Variants in HEATR4 observed in about 807,000 individuals in gnomAD.
HEATR4 encodes HEAT repeat containing 4.
Under a neutral mutation model 108.8 loss-of-function variants are expected in HEATR4, and 95 were observed. The observed-to-expected ratio is 0.87, with a 90% CI of 0.74 to 1.04. The LOEUF (loss-of-function observed/expected upper bound fraction) is 1.04, where lower values mean the gene tolerates loss of function less well. HEATR4 is among the 50% of genes least tolerant of loss of function. HEATR4 has a pLI of 0.00. For synonymous variants in HEATR4, 443 were observed against 459.4 expected, an observed-to-expected ratio of 0.96 and a Z score of 0.46; for missense variants, 1,152 against 1,253.8, an observed-to-expected ratio of 0.92 and a Z score of 1.23.
chr14:73,625,440 C>T, the HEATR4 span, among the ~76,000 whole-genome samples: 1 of 152,140 alleles, frequency 6.6e-6, no homozygotes, highest in East Asian at 1.9e-4. Context: ...CGACTCACAG[C>T]AACCTCCGCC....
chr14:73,591,898 C>T, the HEATR4 span: 8 of 1,320,160 alleles, frequency 6.1e-6, no homozygotes, highest in East Asian at 1.9e-4. Context: ...ATTCGGCGCG[C>T]TTGCCACGAT....
chr14:73,599,088 C>T, the HEATR4 span, among the ~76,000 whole-genome samples: 2 of 152,128 alleles, frequency 1.3e-5, no homozygotes, highest in Non-Finnish European at 1.5e-5. Flanking sequence ...TATAAGCCAA[C>T]CACAGGCACT....
the HEATR4 span, among the ~76,000 whole-genome samples, chr14:73,614,712 A>G: frequency 1.3e-5 from 2 of 148,594 alleles, no homozygotes; most frequent in African/African-American, 5.0e-5. Flanking sequence ...GCGCCACTAC[A>G]CTTCAGCCTG....
the HEATR4 span, among the ~76,000 whole-genome samples, chr14:73,628,346 G>C: frequency 0.02 from 3,065 of 152,008 alleles, 107 homozygotes; most frequent in African/African-American, 0.07. Context: ...ATCTTGCTAG[G>C]TTGGCCAGGT....
intron 2 of HEATR4, among the ~76,000 whole-genome samples, chr14:73,524,306 A>ATATATATATAT (rs1195056520): frequency 2.2e-5 from 2 of 91,006 alleles, no homozygotes; most frequent in Admixed American, 1.1e-4. Flanking sequence ...AAAAAAAAAA[A>ATATATATATAT]AAAAATATAT....
At chr14:73,512,261 A>T in intron 6 of HEATR4, 112 bp from the exon 7 acceptor site, 1 of 1,208,310 alleles carries the variant, frequency 8.3e-7, no homozygotes, top group Non-Finnish European at 1.2e-6. Context: ...CAAGCAAAAC[A>T]TTAGCTCAGA....
upstream of HEATR4, among the ~76,000 whole-genome samples, chr14:73,561,727 T>C (rs1391980050): frequency 6.6e-6 from 1 of 152,084 alleles, no homozygotes; most frequent in Non-Finnish European, 1.5e-5. Context: ...CTCATGCCTA[T>C]GATCCCAGCA....
At chr14:73,575,022 G>A in the HEATR4 span, 1 of 1,595,078 alleles carries the variant, frequency 6.3e-7, no homozygotes, top group South Asian at 1.1e-5. Flanking sequence ...CGGCTCTGTG[G>A]CCAATGTTGG....
At position 73,498,220 on chromosome 14, in the gene HEATR4, T is replaced by G. The variant is rs974607126; in HGVS notation, c.2481A>C (p.Gln827His). ...ACRSILALKLQGDRVRDTFLD... is the reference protein window; with the variant it reads ...ACRSILALKLHGDRVRDTFLD... ...GGAAGGTGTCCCTGACCCGGTCCCC[T>G]TGAAGTTTCAGGGCTAGGATGCTAC... Residue 827 changes from glutamine (Q) to histidine (H), a missense_variant, in exon 14 of 18, where the codon CAA becomes CAC. Gln to His is a conservative substitution (Grantham distance 24). Transcript: ENST00000553558. The G allele has an allele frequency of 1.1e-5, 18 of 1,614,124 alleles. No individual in the cohort carries two copies. Among genetic ancestry groups the G allele is most frequent in the Non-Finnish European group, 1.4e-5 (17 of 1,180,004 alleles).
the HEATR4 span, among the ~76,000 whole-genome samples, chr14:73,573,852 G>A: frequency 7.2e-5 from 11 of 151,858 alleles, no homozygotes; most frequent in South Asian, 1.3e-3. Context: ...CCACCCTCCC[G>A]AGTAGTTGGG....
At chr14:73,617,039 C>A in the HEATR4 span, 1 of 1,004,094 alleles carries the variant, frequency 1.0e-6, no homozygotes, top group Non-Finnish European at 1.6e-6. Flanking sequence ...GCAGCAGGGG[C>A]CTTTGTGAAT....
chr14:73,569,782 T>C, the HEATR4 span: 3 of 1,605,682 alleles, frequency 1.9e-6, no homozygotes, highest in Non-Finnish European at 2.5e-6. Context: ...CCCGGGCGGC[T>C]GCTGTGCCAG....
intron 10 of HEATR4, among the ~76,000 whole-genome samples, chr14:73,504,676 T>C (rs1886697173): frequency 2.0e-5 from 3 of 152,170 alleles, no homozygotes; most frequent in Non-Finnish European, 4.4e-5. Flanking sequence ...CTGTACTGAG[T>C]GGCCAGATTT....
rs1889383980 is a variant in HEATR4, at chr14:73,555,786, A to C, written c.-152+2965T>G. Among the ~76,000 whole-genome samples, 2 of 111,030 alleles carry C rather than the reference A, an allele frequency of 1.8e-5. 1 individual carries two copies. 72.8% of individuals were successfully genotyped at this position (111,030 alleles called of 152,430 possible). A position where few individuals can be genotyped will look rare whatever the true frequency, so the allele number is the denominator to read the frequency against. On this transcript the variant is annotated intron_variant, in intron 1 of 17. Transcript: ENST00000553558. ...GGAGGCTGAGGCGGGTGGATCACCC[A>C]AGGTCAGGAGTTCGAGACCAGCCAG... is the stretch of plus-strand genomic sequence containing the variant.
chr14:73,628,912 G>A, the HEATR4 span, among the ~76,000 whole-genome samples: 3 of 148,326 alleles, frequency 2.0e-5, no homozygotes, highest in Admixed American at 1.3e-4. Context: ...AAAGTTACCC[G>A]GGCATAGTGG....
At chr14:73,545,558 C>T (rs866467443) in intron 1 of HEATR4, among the ~76,000 whole-genome samples, 1 of 73,204 alleles carries the variant, frequency 1.4e-5, no homozygotes, top group Non-Finnish European at 2.9e-5. Context: ...GTACACATGA[C>T]CTGAGGCTCT....
intron 2 of HEATR4, among the ~76,000 whole-genome samples, chr14:73,525,377 C>A (rs1425332956): frequency 6.6e-6 from 1 of 152,148 alleles, no homozygotes; most frequent in African/African-American, 2.4e-5. Flanking sequence ...GAATCAATAA[C>A]CTCCCTCAAA....
chr14:73,492,458 G>A lies in HEATR4; in HGVS notation c.2844+608C>T. Reference sequence around the variant, plus strand: ...GCGAAGAACCGCTTTCATGGAGAAGGTGCGGGTCTTGGTTGCCCGCCTGGG... The same window carrying A: ...GCGAAGAACCGCTTTCATGGAGAAGATGCGGGTCTTGGTTGCCCGCCTGGG... On this transcript the variant is annotated intron_variant, in intron 17 of 17. Transcript: ENST00000553558. The surrounding 1 kb of genome is among the most constrained non-coding windows in gnomAD (Gnocchi z 4.9). 6.2e-7 allele frequency: 1 copy of A among 1,613,788 alleles called. No individual in the cohort carries two copies. Among genetic ancestry groups the A allele is most frequent in the Middle Eastern group, 1.7e-4 (1 of 6,058 alleles).
In HEATR4 at chr14:73,556,624, C is replaced by T. The variant is rs1889400596; in HGVS notation, c.-152+2127G>A. On this transcript the variant is annotated intron_variant, in intron 1 of 17. Transcript: ENST00000553558. ...TGGAGTCACGGGACAGGTGTAAGGC[C>T]AAATTGTGCACTTCCCAGTCATGTT... Among the ~76,000 whole-genome samples the T allele has an allele frequency of 1.8e-5, 2 of 113,184 alleles. 1 individual carries two copies. Among genetic ancestry groups the T allele is most frequent in the Admixed American group, 2.0e-4 (2 of 9,936 alleles). The allele number at this position is 113,184 out of a possible 152,430, so 74.3% of individuals were successfully genotyped here.
Sources: gnomAD v4.1 joint callset for allele counts (sites outside exome capture counted in the v4.1 genomes callset) on GRCh38, gnomAD v4.1.1 for gene constraint, Gnocchi (gnomAD v3.1) non-coding constraint, MANE v1.5 for transcripts, NCBI Gene and HGNC (gene_info 2026-07-23, HGNC 2026-07-21) for gene names.